MRRF: variants seen among roughly 807,000 people sequenced by gnomAD.
The protein encoded by MRRF is ribosome-recycling factor, mitochondrial.
Under a neutral mutation model 25.1 loss-of-function variants are expected in MRRF, and 18 were observed. The ratio of observed to expected loss-of-function variants is 0.72; its 90% confidence interval spans 0.50 to 1.06. The LOEUF (loss-of-function observed/expected upper bound fraction) is 1.06, where lower values mean the gene tolerates loss of function less well. MRRF is among the 50% of genes least tolerant of loss of function. MRRF has a pLI of 0.00. For missense variants in MRRF, 323 were observed against 319.3 expected, an observed-to-expected ratio of 1.01 and a Z score of -0.09; for synonymous variants, 113 against 112.1, an observed-to-expected ratio of 1.01 and a Z score of -0.05.
At chr9:122,271,942 T>C (rs1832488159) in intron 2 of MRRF, among the ~76,000 whole-genome samples, 1 of 152,216 alleles carries the variant, frequency 6.6e-6, no homozygotes, top group Non-Finnish European at 1.5e-5. Context: ...ATGCAGACCT[T>C]CCCCTTTCTG....
chr9:122,315,562 C>T (rs1395427765), intron 6 of MRRF, among the ~76,000 whole-genome samples: 1 of 152,146 alleles, frequency 6.6e-6, no homozygotes, highest in Non-Finnish European at 1.5e-5. Flanking sequence ...CTCAAAACTC[C>T]CCTCTTGCCA....
intron 6 of MRRF, 53 bp from the exon 7 acceptor site, chr9:122,322,487 C>T (rs1404395416): frequency 1.3e-6 from 2 of 1,501,574 alleles, no homozygotes; most frequent in Non-Finnish European, 1.9e-6. Context: ...TATTCATCCC[C>T]CTACCCTTTT....
At chr9:122,287,875 T>C (rs1387483485) in intron 4 of MRRF, among the ~76,000 whole-genome samples, 1 of 152,192 alleles carries the variant, frequency 6.6e-6, no homozygotes, top group Non-Finnish European at 1.5e-5. Flanking sequence ...AACAAATAGC[T>C]CTAACTAAAG....
At chr9:122,274,392 C>T (rs1832647607) in intron 2 of MRRF, among the ~76,000 whole-genome samples, 1 of 152,170 alleles carries the variant, frequency 6.6e-6, no homozygotes, top group Non-Finnish European at 1.5e-5. Flanking sequence ...CACGATGGCT[C>T]ACGTCTGTAA....
chr9:122,268,253 G>A (rs900290144), intron 1 of MRRF, among the ~76,000 whole-genome samples: 2 of 152,154 alleles, frequency 1.3e-5, no homozygotes, highest in African/African-American at 4.8e-5. Context: ...CGTGTACTGG[G>A]TCTGCTTTTG....
At chr9:122,299,345 C>T (rs956793214) in intron 5 of MRRF, among the ~76,000 whole-genome samples, 2 of 151,738 alleles carry the variant, frequency 1.3e-5, no homozygotes, top group Non-Finnish European at 2.9e-5. Flanking sequence ...GAACTCCTGA[C>T]CTCAAGTGAT....
At position 122,313,263 on chromosome 9, in the gene MRRF, G is replaced by T; in HGVS notation, c.588G>T (p.Leu196=). 1 of 1,614,074 alleles carries T rather than the reference G, an allele frequency of 6.2e-7. No individual in the cohort carries two copies. Residue 196 remains leucine (L), a synonymous_variant, in exon 6 of 7, where the codon CTG becomes CTT. Coordinates refer to ENST00000344641, the MANE Select transcript of MRRF (RefSeq NM_138777.5). The part of the protein sequence containing the change: ...TREHREMLVK[L]AKQNTNKAKD... ...AGCACAGAGAAATGCTGGTGAAACT[G>T]GCCAAACAGAACACCAACAAGGCCA...
chr9:122,286,430 C>A (rs981405943), intron 4 of MRRF, among the ~76,000 whole-genome samples: 3 of 152,092 alleles, frequency 2.0e-5, no homozygotes, highest in Non-Finnish European at 2.9e-5. Flanking sequence ...TTGTGCCAGG[C>A]GTGGTGGCTC....
chr9:122,307,046 G>T (rs553684669), intron 5 of MRRF, among the ~76,000 whole-genome samples: 1 of 152,172 alleles, frequency 6.6e-6, no homozygotes, highest in African/African-American at 2.4e-5. Context: ...ATTAATGTAC[G>T]TAAAACAGGC....
In MRRF at chr9:122,321,880, C is replaced by T. The variant is rs147425930; in HGVS notation, c.712-660C>T. On this transcript the variant is annotated intron_variant, in intron 6 of 6. Transcript: ENST00000344641. ...TAAGGAACAGATAAGACTAGCTTCT[C>T]TATATTGTAGAATAATAGTTAAGAA... 1.5e-3 allele frequency among the ~76,000 whole-genome samples: 234 copies of T among 152,124 alleles called. 2 individuals are homozygous for T. The highest frequency in any genetic ancestry group is 6.8e-3 in the Middle Eastern group (2 of 292).
intron 5 of MRRF, among the ~76,000 whole-genome samples, chr9:122,309,692 G>A (rs1835088764): frequency 6.6e-6 from 1 of 152,122 alleles, no homozygotes; most frequent in Admixed American, 6.5e-5. Flanking sequence ...TGCCTTCCTT[G>A]CCAAATGGTA....
At chr9:122,290,417 A>G (rs142627373) in intron 4 of MRRF, among the ~76,000 whole-genome samples, 2,251 of 152,304 alleles carry the variant, frequency 0.015, 25 homozygotes, top group Non-Finnish European at 0.023. Context: ...AGTGGCCACA[A>G]TGTTAGATTC....
At chr9:122,302,081 G>A (rs1834504248) in intron 5 of MRRF, among the ~76,000 whole-genome samples, 1 of 152,026 alleles carries the variant, frequency 6.6e-6, no homozygotes, top group Admixed American at 6.6e-5. Context: ...AGTATTGTCT[G>A]TCTCTACTGC....
intron 5 of MRRF, among the ~76,000 whole-genome samples, chr9:122,300,763 T>G (rs1834399309): frequency 6.6e-6 from 1 of 152,204 alleles, no homozygotes; most frequent in African/African-American, 2.4e-5. Flanking sequence ...GTTGAGTGAT[T>G]ATATTGGAAG....
At position 122,325,319 on chromosome 9, in the gene MRRF, A is replaced by G. The variant is rs1290138045; in HGVS notation, c.*2702A>G. 1.3e-5 allele frequency: 2 copies of G among 152,204 alleles called. No individual in the cohort carries two copies. Among genetic ancestry groups the G allele is most frequent in the African/African-American group, 4.8e-5 (2 of 41,448 alleles). 9.4% of individuals were successfully genotyped at this position (152,204 alleles called of 1,614,324 possible). ...CCCAGGGCAGTCAGACAGCTCAGCA[A>G]ATGGCTTTCAGATGATTACTCAATT... On this transcript the variant is annotated 3_prime_UTR_variant, in exon 7 of 7. Coordinates refer to ENST00000344641, the MANE Select transcript of MRRF (RefSeq NM_138777.5).
At chr9:122,291,908 A>G in intron 5 of MRRF, 68 bp downstream of exon 5, 4 of 1,013,032 alleles carry the variant, frequency 3.9e-6, no homozygotes, top group Non-Finnish European at 6.3e-6. Context: ...AAACCAACAA[A>G]TACCCTACTA....
In MRRF at chr9:122,321,544, T is replaced by C. The variant is rs552838145; in HGVS notation, c.712-996T>C. On this transcript the variant is annotated intron_variant, in intron 6 of 6. Transcript: ENST00000344641. ...TGAGAGATTTTGGGGTTAAATGGTA[T>C]GAACATTTGCATCAATTTGAATTTC... Among the ~76,000 whole-genome samples, 53 of 152,358 alleles carry C rather than the reference T, an allele frequency of 3.5e-4. 2 individuals carry two copies. In the South Asian group the frequency reaches 9.5e-3, roughly 27 times the overall value.
chr9:122,304,460 C>A (rs1261491736), intron 5 of MRRF, among the ~76,000 whole-genome samples: 2 of 151,876 alleles, frequency 1.3e-5, no homozygotes, highest in African/African-American at 2.4e-5. Flanking sequence ...CCAATTGAAA[C>A]ACACAAGGAT....
rs1275954720 is a variant in MRRF, at chr9:122,324,960, T to C, written c.*2343T>C. ...GGATAGATAGAGCAATTAAGGAGCC[T>C]CTTTTGGGGTAAGCCACATGACAGG... is the stretch of plus-strand genomic sequence containing the variant. On this transcript the variant is annotated 3_prime_UTR_variant, in exon 7 of 7. Transcript: ENST00000344641. 1 of 152,226 alleles carries C rather than the reference T, an allele frequency of 6.6e-6. No homozygotes were observed. Among genetic ancestry groups the C allele is most frequent in the Non-Finnish European group, 1.5e-5 (1 of 68,050 alleles). The allele number at this position is 152,226 out of a possible 1,614,324, so 9.4% of individuals were successfully genotyped here.
Sources: allele counts gnomAD v4.1 joint callset (sites outside exome capture counted in the v4.1 genomes callset), GRCh38; gene constraint gnomAD v4.1.1; transcripts MANE v1.5; gene names NCBI Gene and HGNC (gene_info 2026-07-23, HGNC 2026-07-21).